The following TTLL7 variants were observed in gnomAD, a reference collection of about 807,000 sequenced individuals.
TTLL7 encodes the protein tubulin polyglutamylase TTLL7.
In TTLL7, 53 loss-of-function variants were observed where a neutral mutation model predicts 120.2. That is an observed-to-expected ratio of 0.44 (90% CI 0.35 to 0.55). The LOEUF is 0.55. TTLL7 is among the 20% of genes least tolerant of loss of function. The probability of loss-of-function intolerance (pLI) is 0.00; values close to 1 mark genes in which losing one functional copy is unlikely to be tolerated. For missense variants in TTLL7, 803 were observed against 1,054.7 expected (o/e 0.76, Z 3.31); for synonymous variants, 353 against 351.7 (o/e 1.00, Z -0.04).
At chr1:83,966,792 C>A (rs1195974757) in intron 1 of TTLL7, among the ~76,000 whole-genome samples, 2 of 152,042 alleles carry the variant, frequency 1.3e-5, no homozygotes, top group East Asian at 1.9e-4. Flanking sequence ...GTCCTGACAC[C>A]ATTATCACTG....
At chr1:83,920,306 T>C (rs1426296956) in intron 12 of TTLL7, among the ~76,000 whole-genome samples, 1 of 152,060 alleles carries the variant, frequency 6.6e-6, no homozygotes, top group African/African-American at 2.4e-5. Flanking sequence ...TACTGAACTT[T>C]ATAGGAGAGT....
At chr1:83,985,262 G>A (rs1056793918) in intron 1 of TTLL7, among the ~76,000 whole-genome samples, 2 of 152,186 alleles carry the variant, frequency 1.3e-5, no homozygotes, top group Non-Finnish European at 1.5e-5. Flanking sequence ...AAGTCCCAGA[G>A]TCCAAAGGCC....
rs910978607 is a variant in TTLL7 at position 83,907,660 on chromosome 1, G to C, written c.1788C>G (p.Ser596Arg). 6.2e-7 allele frequency: 1 copy of C among 1,612,068 alleles called. No individual in the cohort carries two copies. Among genetic ancestry groups the C allele is most frequent in the East Asian group, 2.2e-5 (1 of 44,720 alleles). The change falls in exon 16 of 21, where the codon AGC becomes AGG. Residue 596 changes from serine to arginine, a missense_variant and splice_region_variant. Coordinates refer to ENST00000260505, the MANE Select transcript of TTLL7 (RefSeq NM_024686.6). ...SNHYKLIQQPSSIRRSVSCPR... is the reference protein window; with the variant it reads ...SNHYKLIQQPRSIRRSVSCPR... ...GGCAGCTGACTGAACGTCTTATGGA[G>C]CCTATCAGTGATGGAGAAGAGGGAT...
intron 6 of TTLL7, among the ~76,000 whole-genome samples, chr1:83,944,079 G>A (rs1648240740): frequency 6.6e-6 from 1 of 151,832 alleles, no homozygotes; most frequent in South Asian, 2.1e-4. Flanking sequence ...GAAAACTTGA[G>A]GATAAGCCAA....
intron 6 of TTLL7, among the ~76,000 whole-genome samples, chr1:83,944,139 C>T (rs1016308440): frequency 4.6e-5 from 7 of 151,894 alleles, no homozygotes; most frequent in African/African-American, 1.5e-4. Context: ...GAAAAATGAA[C>T]AGAGCCTATA....
chr1:83,869,505 C>A lies in TTLL7; in HGVS notation c.*457G>T, dbSNP rs992618285. The A allele has an allele frequency of 2.0e-5, 3 of 152,288 alleles. No homozygotes were observed. The highest frequency in any genetic ancestry group is 7.2e-5 in the African/African-American group (3 of 41,404). 9.4% of individuals were successfully genotyped at this position (152,288 alleles called of 1,614,324 possible). On this transcript the variant is annotated 3_prime_UTR_variant, in exon 21 of 21. Transcript: ENST00000260505. ...AATCTTTTTGTTTCATTTAAAATGG[C>A]TACTATATATGAGAATTTTTAAGGT...
Position 83,873,544 on chromosome 1 carries a change from G to GGCTA in TTLL7, c.2544-3466_2544-3463dup, listed in dbSNP as rs199646899. 7.2e-3 allele frequency among the ~76,000 whole-genome samples: 1,094 copies of GGCTA among 152,180 alleles called. 19 individuals are homozygous for GGCTA. Among genetic ancestry groups the GGCTA allele is most frequent in the African/African-American group, 0.025 (1,046 of 41,512 alleles). ...TAGCTTATTCTTTACATATGAAAAT[G>GGCTA]GCTAACTCATTGCTAACTCGTGCCA... On this transcript the variant is annotated intron_variant, in intron 20 of 20. Transcript: ENST00000260505.
chr1:83,930,494 T>A (rs1322392424), intron 9 of TTLL7, among the ~76,000 whole-genome samples: 1 of 152,182 alleles, frequency 6.6e-6, no homozygotes, highest in Non-Finnish European at 1.5e-5. Context: ...TTATTATAGG[T>A]CAATTTGAGA....
At chr1:83,988,388 T>C (rs1652676759) in intron 1 of TTLL7, among the ~76,000 whole-genome samples, 1 of 152,260 alleles carries the variant, frequency 6.6e-6, no homozygotes, top group South Asian at 2.1e-4. Flanking sequence ...TATTTTCTTT[T>C]GGATATATAT....
At chr1:83,917,521 G>T in intron 14 of TTLL7, 83 bp downstream of exon 14, 1 of 1,015,038 alleles carries the variant, frequency 9.9e-7, no homozygotes, top group Non-Finnish European at 1.5e-6. Context: ...TTTTAAAGCA[G>T]CACCAGTCTT....
intron 13 of TTLL7, 49 bp from the exon 14 acceptor site, chr1:83,917,739 A>T (rs764527882): frequency 7.7e-7 from 1 of 1,297,904 alleles, no homozygotes; most frequent in South Asian, 1.3e-5. Context: ...GGACTCTAGA[A>T]TTTTTCCAAG....
intron 15 of TTLL7, among the ~76,000 whole-genome samples, chr1:83,910,267 C>T (rs954741933): frequency 7.9e-5 from 12 of 152,052 alleles, no homozygotes; most frequent in Non-Finnish European, 1.0e-4. Context: ...ACATTGCTGA[C>T]GGTAAAAAGG....
intron 16 of TTLL7, 89 bp from the exon 17 acceptor site, chr1:83,906,552 G>A (rs1657216210): frequency 6.4e-7 from 1 of 1,567,842 alleles, no homozygotes; most frequent in South Asian, 1.1e-5. Flanking sequence ...TAAAAATGAT[G>A]CACTTTTAAC....
chr1:83,942,743 A>C, intron 6 of TTLL7, 64 bp from the exon 7 acceptor site: 1 of 1,202,892 alleles, frequency 8.3e-7, no homozygotes, highest in Middle Eastern at 2.8e-4. Context: ...AAAAAGTTAT[A>C]GATATACTCA....
intron 8 of TTLL7, 25 bp downstream of exon 8, chr1:83,937,827 T>G: frequency 1.2e-6 from 2 of 1,612,234 alleles, no homozygotes; most frequent in East Asian, 4.5e-5. Context: ...AAGACTGTTA[T>G]AATTGTGGAA....
intron 20 of TTLL7, among the ~76,000 whole-genome samples, chr1:83,870,534 T>C (rs547582021): frequency 7.9e-5 from 12 of 152,364 alleles, no homozygotes; most frequent in African/African-American, 2.9e-4. Context: ...GGTAACCTAA[T>C]AGAAAAAGTT....
chr1:83,981,162 A>G (rs1435087243), intron 1 of TTLL7: 1 of 152,134 alleles, frequency 6.6e-6, no homozygotes, highest in African/African-American at 2.4e-5. Context: ...TATATCAACA[A>G]CTACACACAT....
chr1:83,877,533 T>C (rs1349452337), intron 20 of TTLL7, among the ~76,000 whole-genome samples: 1 of 152,036 alleles, frequency 6.6e-6, no homozygotes, highest in Non-Finnish European at 1.5e-5. Flanking sequence ...TATGACTATT[T>C]AGGACTTTCT....
At chr1:83,915,833 T>C (rs1226335026) in intron 14 of TTLL7, among the ~76,000 whole-genome samples, 2 of 152,046 alleles carry the variant, frequency 1.3e-5, no homozygotes, top group African/African-American at 2.4e-5. Context: ...GGGCAAAGGA[T>C]ATGAACAGAC....
Sources: allele counts gnomAD v4.1 joint callset (sites outside exome capture counted in the v4.1 genomes callset), GRCh38; gene constraint gnomAD v4.1.1; transcripts MANE v1.5; gene names NCBI Gene and HGNC (gene_info 2026-07-23, HGNC 2026-07-21).